Variants in TMC3 observed in about 807,000 individuals in gnomAD.
TMC3 encodes transmembrane channel-like protein 3.
A neutral mutation model predicts 110.6 loss-of-function variants in TMC3; 98 were observed. That is an observed-to-expected ratio of 0.89 (90% CI 0.75 to 1.05). TMC3 has a LOEUF of 1.05. Ranked by LOEUF, TMC3 falls within the 50% of genes least tolerant of loss-of-function variation. TMC3 has a pLI of 0.00. For synonymous variants in TMC3, 489 were observed against 513.1 expected (o/e 0.95, Z 0.63); for missense variants, 1,319 against 1,373.2 (o/e 0.96, Z 0.62).
chr15:81,332,612 G>C lies in TMC3; in HGVS notation c.3110C>G (p.Ser1037Cys), dbSNP rs775993132. The C allele has an allele frequency of 6.2e-7, 1 of 1,614,038 alleles. No individual in the cohort carries two copies. The highest frequency in any genetic ancestry group is 8.5e-7 in the Non-Finnish European group (1 of 1,179,896). ...CGACACGGAGTCAGATTCCGTGAGGGATGGCTCGAACCTGGGCTTCCCTCT... is the reference window on the plus strand; with the variant it reads ...CGACACGGAGTCAGATTCCGTGAGGCATGGCTCGAACCTGGGCTTCCCTCT... ...KPRGKPRFEPSLTESDSVSAA... is the reference protein window; with the variant it reads ...KPRGKPRFEPCLTESDSVSAA... The change falls in exon 22 of 22, where the codon TCC becomes TGC. Residue 1037 changes from serine (S) to cysteine (C), a missense_variant. Ser to Cys is a moderately radical substitution (Grantham distance 112). Transcript: ENST00000359440.
Position 81,344,002 on chromosome 15 carries a change from G to A in TMC3, c.1562C>T (p.Ala521Val), listed in dbSNP as rs199928703. The A allele has an allele frequency of 2.2e-5, 35 of 1,612,630 alleles. No homozygotes were observed. The East Asian group carries it at 2.7e-4, about 12-fold the overall frequency. ...LSIIDMLFTV[A>V]SILLIDFFRG... ...GAAGAAGTCTATGAGCAGAATGCTC[G>A]CCACGGTGAAGAGCATGTCAATGAT... The change falls in exon 14 of 22, where the codon GCG (alanine) becomes GTG (valine). Residue 521 changes from alanine to valine, a missense_variant. Physicochemically the swap from Ala to Val is moderately conservative, Grantham distance 64. Coordinates refer to ENST00000359440, the MANE Select transcript of TMC3 (RefSeq NM_001080532.3).
At chr15:81,364,481 A>G (rs60541040) in intron 3 of TMC3, among the ~76,000 whole-genome samples, 22,494 of 144,252 alleles carry the variant, frequency 0.16, 2,175 homozygotes, top group South Asian at 0.4. Flanking sequence ...GAATTGAACA[A>G]TGAGATCACA....
rs748569774 is a variant in TMC3, at chr15:81,332,855, C to T, written c.2867G>A (p.Arg956Gln). 12 of 1,613,200 alleles carry T rather than the reference C, an allele frequency of 7.4e-6. No individual in the cohort carries two copies. The highest frequency in any genetic ancestry group is 3.3e-5 in the South Asian group (3 of 91,072). The change falls in exon 22 of 22, where the codon CGG becomes CAG. Residue 956 changes from arginine (R) to glutamine (Q), a missense_variant. Arg to Gln is a conservative substitution (Grantham distance 43). Transcript: ENST00000359440. ...TATCAGGGAGCGTGGGGGAAGAGACCGTTTGATCCAATCTCTGCTTGGCGT... is the reference window on the plus strand; with the variant it reads ...TATCAGGGAGCGTGGGGGAAGAGACTGTTTGATCCAATCTCTGCTTGGCGT... ...EETPSRDWIK[R>Q]SLPPRSLIDL...
At chr15:81,373,224 C>T (rs1430528715) in intron 1 of TMC3, among the ~76,000 whole-genome samples, 5 of 152,154 alleles carry the variant, frequency 3.3e-5, no homozygotes, top group South Asian at 2.1e-4. Flanking sequence ...CACCCTTTCA[C>T]GTCAATTCAT....
intron 3 of TMC3, among the ~76,000 whole-genome samples, chr15:81,367,294 GA>G (rs61655395): frequency 0.084 from 12,688 of 151,758 alleles, 641 homozygotes; most frequent in African/African-American, 0.14. Context: ...TAGCAACATG[GA>G]AAAAATAATA....
chr15:81,372,826 T>C (rs1296907697), intron 1 of TMC3, 89 bp from the exon 2 acceptor site: 1 of 1,375,870 alleles, frequency 7.3e-7, no homozygotes, highest in Non-Finnish European at 1.0e-6. Context: ...GTTCAGCATC[T>C]CACTGCCCTA....
In TMC3 at chr15:81,343,949, C is replaced by A; in HGVS notation, c.1615G>T (p.Asp539Tyr). 1 of 1,613,050 alleles carries A rather than the reference C, an allele frequency of 6.2e-7. No homozygotes were observed. Among genetic ancestry groups the A allele is most frequent in the Non-Finnish European group, 8.5e-7 (1 of 1,179,338 alleles). Residue 539 changes from aspartate to tyrosine, a missense_variant, in exon 14 of 22, where the codon GAC (aspartate) becomes TAC (tyrosine). Coordinates refer to ENST00000359440, the MANE Select transcript of TMC3 (RefSeq NM_001080532.3). ...FRGLFVRYLS[D>Y]YWCWDLESKF... ...CTCTCCAGATCCCAACACCAGTAGTCACTTAAGTACCGCACGAAAAGTCCT... is the reference window on the plus strand; with the variant it reads ...CTCTCCAGATCCCAACACCAGTAGTAACTTAAGTACCGCACGAAAAGTCCT...
At chr15:81,369,865 G>T (rs1894396252) in intron 2 of TMC3, among the ~76,000 whole-genome samples, 6 of 152,204 alleles carry the variant, frequency 3.9e-5, no homozygotes, top group Admixed American at 3.9e-4. Context: ...GTTTGAGGCT[G>T]TGGTGAGCTG....
At chr15:81,349,083 G>A (rs561236227) in intron 11 of TMC3, among the ~76,000 whole-genome samples, 54 of 151,962 alleles carry the variant, frequency 3.6e-4, no homozygotes, top group Non-Finnish European at 5.7e-4. Flanking sequence ...CACCCGCCTC[G>A]GCCTCCCAAA....
intron 11 of TMC3, among the ~76,000 whole-genome samples, chr15:81,347,379 C>T (rs1893848802): frequency 6.6e-6 from 1 of 152,204 alleles, no homozygotes; most frequent in Non-Finnish European, 1.5e-5. Context: ...GTTGACCACC[C>T]GTGTGCAGGC....
chr15:81,368,208 C>T (rs1894358171), intron 3 of TMC3, 45 bp downstream of exon 3: 4 of 1,437,692 alleles, frequency 2.8e-6, no homozygotes, highest in African/African-American at 2.8e-5. Context: ...ACTGGGATTA[C>T]AGGTGTGAGC....
Position 81,351,681 on chromosome 15 carries a change from T to C in TMC3, c.1083+13A>G, listed in dbSNP as rs1283388602. ...CTCTTTTCTAGGGTGCTGCAGGTAA[T>C]GGCAGTGGGTACCTCATTCTTTTCC... On this transcript the variant is annotated intron_variant, in intron 10 of 21. Coordinates refer to ENST00000359440, the MANE Select transcript of TMC3 (RefSeq NM_001080532.3). 2 of 1,552,260 alleles carry C rather than the reference T, an allele frequency of 1.3e-6. No individual in the cohort carries two copies. Among genetic ancestry groups the C allele is most frequent in the African/African-American group, 1.4e-5 (1 of 73,020 alleles).
At chr15:81,346,571 C>T in intron 11 of TMC3, 128 bp from the exon 12 acceptor site, 2 of 853,894 alleles carry the variant, frequency 2.3e-6, no homozygotes, top group East Asian at 2.7e-5. Flanking sequence ...TTGGTTTCCT[C>T]TAGAATCACC....
At chr15:81,343,186 G>T in intron 15 of TMC3, 92 bp downstream of exon 15, 1 of 723,470 alleles carries the variant, frequency 1.4e-6, no homozygotes, top group Non-Finnish European at 2.5e-6. Context: ...TTATGTAACT[G>T]TGTTATGGTC....
chr15:81,332,674 G>GC lies in TMC3; in HGVS notation c.3047_3048insG (p.Arg1017ProfsTer26). 1 of 1,613,990 alleles carries GC rather than the reference G, an allele frequency of 6.2e-7. No individual in the cohort carries two copies. Among genetic ancestry groups the GC allele is most frequent in the Non-Finnish European group, 8.5e-7 (1 of 1,179,890 alleles). ...GGGGCTGTGGGTATTGGAAATTCCG[G>GC]GATCGTGGCTTTCTGGGCACATAGG... On this transcript the variant is annotated frameshift_variant, in exon 22 of 22. Coordinates refer to ENST00000359440, the MANE Select transcript of TMC3 (RefSeq NM_001080532.3). LOFTEE classifies it low-confidence loss of function (END_TRUNC).
intron 14 of TMC3, 125 bp from the exon 15 acceptor site, chr15:81,343,470 G>A: frequency 1.5e-6 from 1 of 664,076 alleles, no homozygotes; most frequent in Non-Finnish European, 2.7e-6. Context: ...TGCTTGTGGG[G>A]CCATCCCAGC....
rs765923154 is a variant in TMC3, at chr15:81,351,727, C to T, written c.1050G>A (p.Ser350=). ...VVDRSQKLEQ[S]KKELTLWEKN... The stretch of plus-strand genomic sequence containing the variant: ...TTTCCCAAAGTGTCAGCTCCTTCTT[C>T]GACTGCTCCAGCTTCTGGGACCGGT... The change falls in exon 10 of 22, where the codon TCG becomes TCA. Residue 350 remains serine, a synonymous_variant. Transcript: ENST00000359440. 9 of 1,565,888 alleles carry T rather than the reference C, an allele frequency of 5.7e-6. No homozygotes were observed. Among genetic ancestry groups the T allele is most frequent in the East Asian group, 4.8e-5 (2 of 41,860 alleles).
In TMC3 at chr15:81,345,031, G is replaced by A. The variant is rs1352307730; in HGVS notation, c.1273-20C>T. On this transcript the variant is annotated intron_variant, in intron 12 of 21. Transcript: ENST00000359440. ...CATTTCCTGGGGAGAGAGAGAGAGA[G>A]AGAGAGGGAAGCAGGGGAGAAAGGA... is the stretch of plus-strand genomic sequence containing the variant. 1 of 1,555,184 alleles carries A rather than the reference G, an allele frequency of 6.4e-7. No homozygotes were observed. The highest frequency in any genetic ancestry group is 1.2e-5 in the South Asian group (1 of 84,362).
At chr15:81,339,323 A>C in intron 17 of TMC3, 71 bp downstream of exon 17, 1 of 1,152,266 alleles carries the variant, frequency 8.7e-7, no homozygotes, top group Non-Finnish European at 1.3e-6. Flanking sequence ...TTGGAGGAGA[A>C]TTCAGTTCAA....
Sources: gnomAD v4.1 joint callset for allele counts (sites outside exome capture counted in the v4.1 genomes callset) on GRCh38, gnomAD v4.1.1 for gene constraint, MANE v1.5 for transcripts, NCBI Gene and HGNC (gene_info 2026-07-23, HGNC 2026-07-21) for gene names.